Variants in DLGAP2 observed in about 807,000 individuals in gnomAD.
DLGAP2 encodes the protein DLG associated protein 2.
In DLGAP2, 26 loss-of-function variants were observed where a neutral mutation model predicts 100.3. The ratio of observed to expected loss-of-function variants is 0.26; its 90% CI spans 0.19 to 0.36. DLGAP2 has a LOEUF of 0.36. DLGAP2 is among the 10% of genes least tolerant of loss of function. DLGAP2 has a pLI of 1.00. For synonymous variants in DLGAP2, 886 were observed against 630.1 expected (o/e 1.41, Z -6.08); for missense variants, 1,858 against 1,453.2 (o/e 1.28, Z -4.53).
At chr8:1,326,524 C>G (rs1035295673) in intron 3 of DLGAP2, among the ~76,000 whole-genome samples, 1 of 152,168 alleles carries the variant, frequency 6.6e-6, no homozygotes, top group Non-Finnish European at 1.5e-5. Flanking sequence ...TGCACTCGGT[C>G]TCGGTCCGGT....
At chr8:997,188 C>T (rs2129017188) in intron 2 of DLGAP2, among the ~76,000 whole-genome samples, 1 of 152,304 alleles carries the variant, frequency 6.6e-6, no homozygotes, top group Middle Eastern at 3.4e-3. Context: ...GTAGAATTCA[C>T]TTAGCAACAG....
chr8:1,192,605 T>C (rs1237906545), intron 2 of DLGAP2, among the ~76,000 whole-genome samples: 7 of 145,388 alleles, frequency 4.8e-5, no homozygotes, highest in African/African-American at 1.7e-4. Flanking sequence ...TCTGAGTGTC[T>C]TGGATGCATC....
At chr8:1,427,839 T>C (rs937707541) in intron 3 of DLGAP2, among the ~76,000 whole-genome samples, 15 of 152,350 alleles carry the variant, frequency 9.8e-5, no homozygotes, top group African/African-American at 3.6e-4. Context: ...GTCTTGGGTA[T>C]GTCTTTATCA....
At chr8:1,303,420 AAAAAAAAG>A (rs1414284488) in intron 3 of DLGAP2, among the ~76,000 whole-genome samples, 2 of 146,650 alleles carry the variant, frequency 1.4e-5, no homozygotes, top group Non-Finnish European at 3.0e-5. Flanking sequence ...AAAAAAAAAA[AAAAAAAAG>A]GAAGGAGAAG....
chr8:1,152,765 G>A (rs1585105642), intron 2 of DLGAP2, among the ~76,000 whole-genome samples: 2 of 152,174 alleles, frequency 1.3e-5, no homozygotes, highest in African/African-American at 4.8e-5. Context: ...GAAGCTAACG[G>A]CTATGTCTAA....
chr8:1,243,458 T>G (rs1273426576), intron 2 of DLGAP2, among the ~76,000 whole-genome samples: 1 of 152,222 alleles, frequency 6.6e-6, no homozygotes, highest in Non-Finnish European at 1.5e-5. Context: ...TGTTCTGGAC[T>G]TGGCCCCTCA....
chr8:1,189,511 A>G (rs527549876), intron 2 of DLGAP2, among the ~76,000 whole-genome samples: 1 of 152,318 alleles, frequency 6.6e-6, no homozygotes, highest in African/African-American at 2.4e-5. Context: ...GAGTAACTCA[A>G]GTTTACACTT....
At chr8:1,424,960 G>A (rs779395995) in intron 3 of DLGAP2, among the ~76,000 whole-genome samples, 6 of 152,164 alleles carry the variant, frequency 3.9e-5, no homozygotes, top group Non-Finnish European at 7.3e-5. Flanking sequence ...AGTGATGGCT[G>A]CACAACAATG....
At chr8:1,451,393 C>T (rs1798155892) in intron 3 of DLGAP2, among the ~76,000 whole-genome samples, 1 of 152,176 alleles carries the variant, frequency 6.6e-6, no homozygotes. Context: ...CAGCCACCTC[C>T]TGCCAGACCT....
chr8:896,496 T>G (rs1002656027), intron 1 of DLGAP2, among the ~76,000 whole-genome samples: 2 of 152,074 alleles, frequency 1.3e-5, no homozygotes, highest in African/African-American at 2.4e-5. Flanking sequence ...ATCTAAATGG[T>G]GCCATGGACT....
chr8:817,623 G>A (rs543154222), intron 1 of DLGAP2, among the ~76,000 whole-genome samples: 3 of 152,142 alleles, frequency 2.0e-5, no homozygotes, highest in African/African-American at 4.8e-5. Flanking sequence ...GGATTCAAGC[G>A]CTGCTGTTCA....
intron 2 of DLGAP2, among the ~76,000 whole-genome samples, chr8:1,119,394 CTGCAGTGCGTCA>C (rs1795983328): frequency 6.6e-6 from 1 of 152,250 alleles, no homozygotes; most frequent in South Asian, 2.1e-4. Flanking sequence ...TGTGCATCTA[CTGCAGTGCGTCA>C]TGTGAGTGCT....
intron 2 of DLGAP2, among the ~76,000 whole-genome samples, chr8:1,257,468 C>T (rs901373371): frequency 1.6e-4 from 25 of 151,642 alleles, no homozygotes. Flanking sequence ...GCAGATGCTG[C>T]TGCTGTCCCC....
At chr8:1,163,152 G>A (rs1015127434) in intron 2 of DLGAP2, among the ~76,000 whole-genome samples, 2 of 152,180 alleles carry the variant, frequency 1.3e-5, no homozygotes, top group African/African-American at 2.4e-5. Context: ...TGGCCAGGAC[G>A]CACGTGCACT....
intron 8 of DLGAP2, among the ~76,000 whole-genome samples, chr8:1,662,790 A>T (rs1798438644): frequency 6.6e-6 from 1 of 151,482 alleles, no homozygotes; most frequent in Admixed American, 6.6e-5. Flanking sequence ...GTGTGTACAC[A>T]CGTGTGAGTG....
At chr8:1,134,942 A>G (rs576356564) in intron 2 of DLGAP2, among the ~76,000 whole-genome samples, 23 of 152,300 alleles carry the variant, frequency 1.5e-4, no homozygotes, top group African/African-American at 5.3e-4. Context: ...ATACAAGATG[A>G]GATTTGGGTG....
At chr8:776,312 C>T (rs1821514634) in intron 1 of DLGAP2, among the ~76,000 whole-genome samples, 1 of 152,026 alleles carries the variant, frequency 6.6e-6, no homozygotes. Flanking sequence ...CTCCTGGATT[C>T]ATTAATTTTT....
chr8:744,754 C>G (rs570587371), intron 1 of DLGAP2, among the ~76,000 whole-genome samples: 154 of 152,354 alleles, frequency 1.0e-3, no homozygotes, highest in African/African-American at 3.5e-3. Flanking sequence ...GGGCTGTGCC[C>G]CAGCAACACT....
intron 1 of DLGAP2, among the ~76,000 whole-genome samples, chr8:781,957 A>T (rs1821699985): frequency 6.6e-6 from 1 of 152,198 alleles, no homozygotes; most frequent in African/African-American, 2.4e-5. Context: ...GAGGCTGATT[A>T]ATGGGTAGAA....
Sources: allele counts gnomAD v4.1 joint callset (sites outside exome capture counted in the v4.1 genomes callset), GRCh38; gene constraint gnomAD v4.1.1; transcripts MANE v1.5; gene names NCBI Gene and HGNC (gene_info 2026-07-23, HGNC 2026-07-21).